The following SDK2 variants were observed in gnomAD, a reference collection of about 807,000 sequenced individuals.
The protein encoded by SDK2 is sidekick cell adhesion molecule 2.
Under a neutral mutation model 253.9 loss-of-function variants are expected in SDK2, and 105 were observed. The observed-to-expected ratio is 0.41, with a 90% CI of 0.35 to 0.49. SDK2 has a LOEUF of 0.49. Among genes scored for constraint, SDK2 ranks in the 20% least tolerant of loss-of-function variants. The pLI is 0.06. For missense variants in SDK2, 2,608 were observed against 3,003.0 expected (o/e 0.87, Z 3.07); for synonymous variants, 1,249 against 1,234.9 (o/e 1.01, Z -0.24).
At chr17:73,477,414 A>C (rs529947102) in intron 2 of SDK2, among the ~76,000 whole-genome samples, 3 of 152,264 alleles carry the variant, frequency 2.0e-5, no homozygotes, top group East Asian at 3.9e-4. Flanking sequence ...GCAGTGTTGG[A>C]GAAGGCACCA....
At chr17:73,547,209 A>G (rs373993317) in intron 1 of SDK2, among the ~76,000 whole-genome samples, 3 of 152,220 alleles carry the variant, frequency 2.0e-5, no homozygotes, top group South Asian at 2.1e-4. Context: ...GCTCTAAGCC[A>G]CGCCCCCTCT....
chr17:73,447,697 G>A lies in SDK2; in HGVS notation c.531C>T (p.Asp177=), dbSNP rs372437199. 9.5e-5 allele frequency: 147 copies of A among 1,551,776 alleles called. 1 individual carries two copies. Among genetic ancestry groups the A allele is most frequent in the African/African-American group, 7.1e-4 (52 of 73,176 alleles). ...TLVILSTVAP[D]AGRYYVQAVN... ...CAGCCTGCACATAGTAGCGACCTGC[G>A]TCAGGGGCCACCGTTGACAGGATGA... The change falls in exon 5 of 45, where the codon GAC becomes GAT. Residue 177 remains aspartate, a synonymous_variant. Coordinates refer to ENST00000392650, the MANE Select transcript of SDK2 (RefSeq NM_001144952.2). The surrounding 1 kb of genome is among the most constrained non-coding windows in gnomAD (Gnocchi z 4.0).
chr17:73,532,037 A>T (rs956942289), intron 1 of SDK2, among the ~76,000 whole-genome samples: 23 of 152,146 alleles, frequency 1.5e-4, no homozygotes, highest in African/African-American at 5.5e-4. Context: ...TAGAGACCAG[A>T]TGTTCTCAAG....
intron 17 of SDK2, 84 bp downstream of exon 17, chr17:73,415,727 A>C: frequency 8.0e-7 from 1 of 1,255,402 alleles, no homozygotes; most frequent in South Asian, 1.4e-5. Context: ...GGGCTTGAGC[A>C]ATCCTCCCGT....
chr17:73,452,465 G>T (rs1412202343), intron 4 of SDK2, among the ~76,000 whole-genome samples: 1 of 152,142 alleles, frequency 6.6e-6, no homozygotes, highest in African/African-American at 2.4e-5. Flanking sequence ...GGGGCTGGGG[G>T]TGTGTGTGAC....
chr17:73,413,969 C>T (rs1483344168), intron 18 of SDK2, among the ~76,000 whole-genome samples: 9 of 151,914 alleles, frequency 5.9e-5, no homozygotes, highest in African/African-American at 7.3e-5. Flanking sequence ...ACAAGAGCCA[C>T]GGTAAGAAGT....
intron 1 of SDK2, among the ~76,000 whole-genome samples, chr17:73,539,232 C>T (rs916694036): frequency 2.6e-5 from 4 of 152,154 alleles, no homozygotes; most frequent in African/African-American, 9.7e-5. Context: ...ATGTGTTTGG[C>T]CATCACTCAC....
At chr17:73,482,941 G>A (rs2063735751) in intron 2 of SDK2, among the ~76,000 whole-genome samples, 3 of 152,168 alleles carry the variant, frequency 2.0e-5, no homozygotes, top group African/African-American at 7.2e-5. Context: ...TCAACTACAG[G>A]GGAAGGGACT....
intron 44 of SDK2, among the ~76,000 whole-genome samples, chr17:73,340,262 T>C (rs1273164912): frequency 3.9e-5 from 6 of 152,246 alleles, no homozygotes; most frequent in African/African-American, 1.4e-4. Flanking sequence ...GTCGCAGTGT[T>C]GTGCAACCAC....
intron 2 of SDK2, among the ~76,000 whole-genome samples, chr17:73,478,171 C>T (rs116617215): frequency 3.9e-5 from 6 of 152,204 alleles, no homozygotes; most frequent in Non-Finnish European, 5.9e-5. Context: ...CAAGCAAATA[C>T]GCATTTAGAA....
intron 18 of SDK2, among the ~76,000 whole-genome samples, chr17:73,409,863 T>C (rs12940105): frequency 4.8e-5 from 4 of 83,944 alleles, no homozygotes; most frequent in Middle Eastern, 5.5e-3. Context: ...GTCTCTCTCT[T>C]TCTTTTTTTG....
intron 3 of SDK2, among the ~76,000 whole-genome samples, chr17:73,470,294 C>A (rs1376154982): frequency 6.6e-6 from 1 of 152,158 alleles, no homozygotes; most frequent in African/African-American, 2.4e-5. Flanking sequence ...CATGCAAACA[C>A]ACACACACAC....
intron 2 of SDK2, among the ~76,000 whole-genome samples, chr17:73,479,423 C>T (rs955935639): frequency 1.3e-5 from 2 of 152,178 alleles, no homozygotes; most frequent in Non-Finnish European, 2.9e-5. Flanking sequence ...AGGTGGTGAT[C>T]GAGGACCTGG....
intron 1 of SDK2, among the ~76,000 whole-genome samples, chr17:73,593,672 G>C (rs547542499): frequency 6.6e-6 from 1 of 152,346 alleles, no homozygotes; most frequent in Admixed American, 6.5e-5. Context: ...CAGATTTGGG[G>C]TTTCTGACAT....
intron 30 of SDK2, 138 bp from the exon 31 acceptor site, chr17:73,386,686 C>A: frequency 1.6e-6 from 1 of 638,116 alleles, no homozygotes; most frequent in Non-Finnish European, 2.8e-6. Context: ...GAAGGGCACA[C>A]TGAGGCTCAG....
Position 73,542,588 on chromosome 17 carries a change from C to T in SDK2, c.65-34991G>A, listed in dbSNP as rs150507438. 2.2e-4 allele frequency among the ~76,000 whole-genome samples: 33 copies of T among 152,268 alleles called. 1 individual carries two copies. In the East Asian group the frequency reaches 4.6e-3, roughly 21 times the overall value. On this transcript the variant is annotated intron_variant, in intron 1 of 44. Coordinates refer to ENST00000392650, the MANE Select transcript of SDK2 (RefSeq NM_001144952.2). ...TGCCCTGCTGGGCAGGCTGGGCCTC[C>T]GTCCCCTCAACGAGGAGGGGTGGAG...
chr17:73,391,269 T>G (rs1259091375), intron 28 of SDK2, among the ~76,000 whole-genome samples, 171 bp downstream of exon 28: 1 of 152,164 alleles, frequency 6.6e-6, no homozygotes, highest in Non-Finnish European at 1.5e-5. Context: ...GAAGATAATC[T>G]TACACACTGG....
chr17:73,383,921 G>C lies in SDK2; in HGVS notation c.4660C>G (p.Leu1554Val). ...GCCCCTGGGTTGTTGATGCCTCGAA[G>C]CGTGAAGCCCCTCAGTCCTTCATAG... ...LLYEGLRGFTLRGINNPGATW... is the reference protein window; with the variant it reads ...LLYEGLRGFTVRGINNPGATW... Residue 1554 changes from leucine (L) to valine (V), a missense_variant, in exon 33 of 45, where the codon CTT becomes GTT. Leu to Val is a conservative substitution (Grantham distance 32). Coordinates refer to ENST00000392650, the MANE Select transcript of SDK2 (RefSeq NM_001144952.2). The surrounding 1 kb of genome is among the most constrained non-coding windows in gnomAD (Gnocchi z 4.3). 1 of 1,613,950 alleles carries C rather than the reference G, an allele frequency of 6.2e-7. No individual in the cohort carries two copies. Among genetic ancestry groups the C allele is most frequent in the South Asian group, 1.1e-5 (1 of 91,080 alleles).
intron 36 of SDK2, among the ~76,000 whole-genome samples, chr17:73,371,805 C>T (rs2062736243): frequency 6.6e-6 from 1 of 151,986 alleles, no homozygotes; most frequent in Admixed American, 6.6e-5. Flanking sequence ...ACTAAAAATA[C>T]AAAAATTAGC....
Sources: allele counts gnomAD v4.1 joint callset (sites outside exome capture counted in the v4.1 genomes callset), GRCh38; gene constraint gnomAD v4.1.1; non-coding constraint Gnocchi (gnomAD v3.1); transcripts MANE v1.5; gene names NCBI Gene and HGNC (gene_info 2026-07-23, HGNC 2026-07-21).